Variants in PAX8 observed in about 807,000 individuals in gnomAD.
PAX8 encodes paired box protein Pax-8.
A neutral mutation model predicts 52.4 loss-of-function variants in PAX8; 15 were observed. The ratio of observed to expected loss-of-function variants is 0.29; its 90% CI spans 0.19 to 0.44. PAX8 has a LOEUF of 0.44. Ranked by LOEUF, PAX8 falls within the 20% of genes least tolerant of loss-of-function variation. The pLI, the probability that PAX8 is intolerant of heterozygous loss-of-function variation, is 1.00. For missense variants in PAX8, 554 were observed against 602.5 expected, an observed-to-expected ratio of 0.92 and a Z score of 0.84; for synonymous variants, 284 against 249.7, an observed-to-expected ratio of 1.14 and a Z score of -1.29.
At chr2:113,277,951 G>A (rs1341990166) in intron 2 of PAX8, among the ~76,000 whole-genome samples, 1 of 141,058 alleles carries the variant, frequency 7.1e-6, no homozygotes, top group Non-Finnish European at 1.6e-5. Context: ...GGAGTCACTG[G>A]GAAGGACTGC....
At chr2:113,263,122 T>C (rs998693082) in intron 2 of PAX8, among the ~76,000 whole-genome samples, 1 of 152,182 alleles carries the variant, frequency 6.6e-6, no homozygotes. Flanking sequence ...AAGTAGAGGG[T>C]AAAATCCTTT....
At chr2:113,226,048 C>T (rs1018513888) in intron 10 of PAX8, 1 of 985,666 alleles carries the variant, frequency 1.0e-6, no homozygotes, top group Non-Finnish European at 1.2e-6. Context: ...CAGGCAGCAA[C>T]AAGTGCCAGC....
At position 113,278,426 on chromosome 2, in the gene PAX8, C is replaced by G; in HGVS notation, c.-32G>C. 2 of 1,610,282 alleles carry G rather than the reference C, an allele frequency of 1.2e-6. No homozygotes were observed. The highest frequency in any genetic ancestry group is 1.7e-6 in the Non-Finnish European group (2 of 1,178,828). On this transcript the variant is annotated 5_prime_UTR_variant, in exon 2 of 12. Coordinates refer to ENST00000429538, the MANE Select transcript of PAX8 (RefSeq NM_003466.4). ...GGAGTCGCTCGCAGCCCGCCGAGGG[C>G]TCGGGGCTTCCTCCCGTAGGTCCGG...
At chr2:113,233,326 G>C (rs1352933785) in intron 9 of PAX8, among the ~76,000 whole-genome samples, 1 of 41,146 alleles carries the variant, frequency 2.4e-5, no homozygotes, top group Admixed American at 3.4e-4. Flanking sequence ...TGGGATGTAC[G>C]GAGGAAAAAA....
Position 113,278,893 on chromosome 2 carries a change from T to G in PAX8, c.-138A>C. 1.9e-6 allele frequency: 2 copies of G among 1,052,964 alleles called. No homozygotes were observed. The highest frequency in any genetic ancestry group is 2.3e-6 in the Non-Finnish European group (2 of 870,496). The allele number at this position is 1,052,964 out of a possible 1,614,324, so 65.2% of individuals were successfully genotyped here. On this transcript the variant is annotated 5_prime_UTR_variant, in exon 1 of 12. Coordinates refer to ENST00000429538, the MANE Select transcript of PAX8 (RefSeq NM_003466.4). ...GCCCGCGAGGGTGCCCTGGGCCCGG[T>G]GTCTCTCCTCCTTCTGAAGTTTGTT...
At chr2:113,274,753 C>G (rs999434161) in intron 2 of PAX8, 4 of 152,146 alleles carry the variant, frequency 2.6e-5, no homozygotes, top group Non-Finnish European at 5.9e-5. Context: ...ACAATTGGCT[C>G]TTACAAAAAT....
chr2:113,253,627 A>G (rs1393733167), intron 2 of PAX8, among the ~76,000 whole-genome samples: 1 of 152,012 alleles, frequency 6.6e-6, no homozygotes, highest in Non-Finnish European at 1.5e-5. Context: ...TCCCTGTCGT[A>G]TCTAGTTAAC....
rs1212216862 is a variant in PAX8 at position 113,220,152 on chromosome 2, C to T, written c.1216G>A (p.Gly406Ser). The change falls in exon 11 of 12, where the codon GGC (glycine) becomes AGC (serine). Residue 406 changes from glycine (G) to serine (S), a missense_variant. Physicochemically the swap from Gly to Ser is moderately conservative, Grantham distance 56. This residue lies in a region of PAX8 where 445 missense variants were observed against 409.9 expected (regional missense o/e 1.09). Coordinates refer to ENST00000429538, the MANE Select transcript of PAX8 (RefSeq NM_003466.4). ...CTGTAGGAGGAGTAGGGGGTGTGGC[C>T]ATAGGCATTGCCAGAGTATTCACTT... ...AGSEYSGNAY[G>S]HTPYSSYSEA... 2 of 1,613,902 alleles carry T rather than the reference C, an allele frequency of 1.2e-6. No individual in the cohort carries two copies. Among genetic ancestry groups the T allele is most frequent in the Non-Finnish European group, 1.7e-6 (2 of 1,179,928 alleles).
At chr2:113,226,768 C>T in intron 10 of PAX8, 1 of 1,187,314 alleles carries the variant, frequency 8.4e-7, no homozygotes, top group Non-Finnish European at 1.1e-6. Context: ...GAGACCAGCA[C>T]TGCTTGAGGG....
At chr2:113,219,219 C>T (rs1204731718) in intron 11 of PAX8, among the ~76,000 whole-genome samples, 2 of 152,172 alleles carry the variant, frequency 1.3e-5, no homozygotes, top group East Asian at 1.9e-4. Flanking sequence ...AGGTCTGCCA[C>T]CTTTCAAGTT....
intron 3 of PAX8, among the ~76,000 whole-genome samples, chr2:113,245,597 G>A (rs887235545): frequency 3.3e-5 from 5 of 152,064 alleles, no homozygotes; most frequent in African/African-American, 1.2e-4. Flanking sequence ...TCCTCTTCTG[G>A]GGCCTCCACC....
At chr2:113,241,246 G>A (rs759561499) in intron 7 of PAX8, 4 of 514,086 alleles carry the variant, frequency 7.8e-6, no homozygotes, top group African/African-American at 1.9e-5. Context: ...GTTGTGGAAC[G>A]TGATGTTGCA....
chr2:113,251,366 C>A (rs546001360), intron 2 of PAX8, among the ~76,000 whole-genome samples: 1 of 147,606 alleles, frequency 6.8e-6, no homozygotes. Context: ...CCTGGTTGGG[C>A]GGGAAGTGGG....
chr2:113,259,951 G>T (rs540743765), intron 2 of PAX8, among the ~76,000 whole-genome samples: 2 of 152,316 alleles, frequency 1.3e-5, no homozygotes, highest in African/African-American at 4.8e-5. Flanking sequence ...TGCCGAACAC[G>T]CGTTTAGATG....
In PAX8 at chr2:113,217,857, C is replaced by T; in HGVS notation, c.*676G>A. On this transcript the variant is annotated 3_prime_UTR_variant, in exon 12 of 12. Coordinates refer to ENST00000429538, the MANE Select transcript of PAX8 (RefSeq NM_003466.4). ...CACTGCAGGAGGACCTGGGGTGGTG[C>T]TATACCTTCACAGCAGCAGGCAAAA... 4.3e-6 allele frequency: 1 copy of T among 233,272 alleles called. No homozygotes were observed. The highest frequency in any genetic ancestry group is 8.5e-6 in the Non-Finnish European group (1 of 118,114). 14.5% of individuals were successfully genotyped at this position (233,272 alleles called of 1,614,324 possible).
At position 113,244,562 on chromosome 2, in the gene PAX8, G is replaced by T. The variant is rs772367877; in HGVS notation, c.254C>A (p.Thr85Asn). 1.2e-6 allele frequency: 2 copies of T among 1,614,150 alleles called. No individual in the cohort carries two copies. Among genetic ancestry groups the T allele is most frequent in the Non-Finnish European group, 1.7e-6 (2 of 1,179,978 alleles). ...CCCAATCTTCTCCACCACCTTGGGGGTGGCCACCTTGGGCTTGGAGCCCCC... is the reference window on the plus strand; with the variant it reads ...CCCAATCTTCTCCACCACCTTGGGGTTGGCCACCTTGGGCTTGGAGCCCCC... Reference protein sequence around the residue: ...VIGGSKPKVATPKVVEKIGDY... With the variant: ...VIGGSKPKVANPKVVEKIGDY... The change falls in exon 4 of 12, where the codon ACC (threonine) becomes AAC (asparagine). Residue 85 changes from threonine to asparagine, a missense_variant. Coordinates refer to ENST00000429538, the MANE Select transcript of PAX8 (RefSeq NM_003466.4).
At chr2:113,272,172 C>T (rs1170320962) in intron 2 of PAX8, 1 of 152,130 alleles carries the variant, frequency 6.6e-6, no homozygotes, top group Non-Finnish European at 1.5e-5. Context: ...GGACTTTCTT[C>T]CCCTTGATCT....
chr2:113,238,932 T>C (rs1457474424), intron 7 of PAX8: 3 of 152,216 alleles, frequency 2.0e-5, no homozygotes, highest in Non-Finnish European at 2.9e-5. Context: ...TAAACTGATA[T>C]TCATATTCTG....
intron 10 of PAX8, chr2:113,226,122 T>C (rs1047127649): frequency 3.0e-6 from 3 of 985,370 alleles, no homozygotes; most frequent in Non-Finnish European, 3.6e-6. Flanking sequence ...CCCTTCCCTC[T>C]GCCCAGGAGA....
Sources: allele counts gnomAD v4.1 joint callset (sites outside exome capture counted in the v4.1 genomes callset), GRCh38; gene constraint gnomAD v4.1.1; regional missense constraint gnomAD v4.1.1; transcripts MANE v1.5; gene names NCBI Gene and HGNC (gene_info 2026-07-23, HGNC 2026-07-21).